TTN: variants seen among roughly 807,000 people sequenced by gnomAD.
TTN encodes titin, also known as connectin.
In TTN, 1,525 loss-of-function variants were observed where a neutral mutation model predicts 3,223.0. The observed-to-expected ratio is 0.47, with a 90% confidence interval of 0.45 to 0.49. The LOEUF (loss-of-function observed/expected upper bound fraction) is 0.49. Among genes scored for constraint, TTN ranks in the 20% least tolerant of loss-of-function variants. The pLI, the probability that TTN is intolerant of heterozygous loss-of-function variation, is 0.00. For missense variants in TTN, 40,786 were observed against 43,424.0 expected (o/e 0.94, Z 5.40); for synonymous variants, 14,094 against 15,161.0 (o/e 0.93, Z 5.17).
At position 178,684,677 on chromosome 2, in the gene TTN, A is replaced by T; in HGVS notation, c.32627T>A (p.Leu10876His). The change falls in exon 131 of 363, where the codon CTC (leucine) becomes CAC (histidine). Residue 10876 changes from leucine to histidine, a missense_variant. Physicochemically the swap from Leu to His is moderately conservative, Grantham distance 99 (BLOSUM62 -3). Coordinates refer to ENST00000589042, the MANE Select transcript of TTN (RefSeq NM_001267550.2). ...GGAGGTTTGTTTACCTTTGGCTGGG[A>T]GAGGTTCTTCCATCTTAATGACTTT... ...PPKVIKMEEP[L>H]PAKVTERHMQ... 6.2e-7 allele frequency: 1 copy of T among 1,608,766 alleles called. No homozygotes were observed.
chr2:178,578,859 T>C lies in TTN; in HGVS notation c.68171A>G (p.Tyr22724Cys), dbSNP rs1387896930. The C allele has an allele frequency of 6.2e-7, 1 of 1,613,208 alleles. No homozygotes were observed. The stretch of plus-strand genomic sequence containing the variant: ...CGATTTCAGGCCTTCCCCTACACCA[T>C]ATTTATTTTCGGCACTGACCCTGAA... ...YTFRVSAENK[Y>C]GVGEGLKSEP... Residue 22724 changes from tyrosine (Y) to cysteine (C), a missense_variant, in exon 320 of 363, where the codon TAT becomes TGT. Tyr to Cys is a radical substitution (Grantham distance 194). Coordinates refer to ENST00000589042, the MANE Select transcript of TTN (RefSeq NM_001267550.2).
Position 178,575,355 on chromosome 2 carries a change from T to C in TTN, c.70777A>G (p.Arg23593Gly), listed in dbSNP as rs930124570. The C allele has an allele frequency of 1.9e-6, 3 of 1,613,478 alleles. No homozygotes were observed. In the African/African-American group the frequency reaches 4.0e-5, roughly 22 times the overall value. The change falls in exon 326 of 363, where the codon AGG becomes GGG. Residue 23593 changes from arginine (R) to glycine (G), a missense_variant. Coordinates refer to ENST00000589042, the MANE Select transcript of TTN (RefSeq NM_001267550.2). The surrounding 1 kb of genome is among the most constrained non-coding windows in gnomAD (Gnocchi z 4.0). ...TTVKGLECVV[R>G]NLTEGEEYTF... ...TATTCCTCTCCTTCAGTTAGATTCC[T>C]CACAACACATTCTAACCCTTTCACG...
Position 178,609,670 on chromosome 2 carries a change from G to T in TTN, c.51739+14C>A, listed in dbSNP as rs727505018. 1.9e-5 allele frequency: 30 copies of T among 1,561,584 alleles called. No individual in the cohort carries two copies. Among genetic ancestry groups the T allele is most frequent in the East Asian group, 1.1e-4 (5 of 44,232 alleles). ...CAAAATGGGAAAGTGGCAACTCCAT[G>T]AAACAAAACTTACCAATGGGATCTA... On this transcript the variant is annotated intron_variant, in intron 272 of 362. Coordinates refer to ENST00000589042, the MANE Select transcript of TTN (RefSeq NM_001267550.2).
chr2:178,615,529 T>C (rs1370852861), intron 258 of TTN, 45 bp from the exon 259 acceptor site: 2 of 1,609,096 alleles, frequency 1.2e-6, no homozygotes, highest in Non-Finnish European at 1.7e-6. Context: ...AGGCCACCTA[T>C]GCAGTTCTCT....
rs377353294 is a variant in TTN at position 178,539,277 on chromosome 2, A to G, written c.98684-26T>C. 3.1e-5 allele frequency: 50 copies of G among 1,607,266 alleles called. No homozygotes were observed. The African/African-American group carries it at 5.5e-4, about 18-fold the overall frequency. The stretch of plus-strand genomic sequence containing the variant: ...CTGTAAATATAAGTGGAAAGCACAC[A>G]TGTATTAGAATACAGTCCCAAGTAT... On this transcript the variant is annotated intron_variant, in intron 352 of 362. Transcript: ENST00000589042.
chr2:178,646,080 G>A, intron 216 of TTN, 50 bp from the exon 217 acceptor site: 1 of 452,926 alleles, frequency 2.2e-6, no homozygotes, highest in Non-Finnish European at 3.2e-6. Flanking sequence ...TTAGCATGTG[G>A]ATATGTAGTA....
At position 178,732,646 on chromosome 2, in the gene TTN, G is replaced by C. The variant is rs911246876; in HGVS notation, c.16415C>G (p.Thr5472Ser). Residue 5472 changes from threonine (T) to serine (S), a missense_variant, in exon 56 of 363, where the codon ACT (threonine) becomes AGT (serine). By Grantham distance (58) the Thr-to-Ser change is moderately conservative. Transcript: ENST00000589042. ...LPGSAVCLKS[T>S]FQGSTPLTIR... ...TGTGAGAGGAGTAGATCCTTGGAAAGTGCTCTTCAGGCAGACTGCTGAGCC... is the reference window on the plus strand; with the variant it reads ...TGTGAGAGGAGTAGATCCTTGGAAACTGCTCTTCAGGCAGACTGCTGAGCC... 6.2e-7 allele frequency: 1 copy of C among 1,612,872 alleles called. No individual in the cohort carries two copies. The highest frequency in any genetic ancestry group is 2.2e-5 in the East Asian group (1 of 44,760).
chr2:178,554,347 A>G (rs1362179851), intron 332 of TTN, 106 bp downstream of exon 332: 2 of 1,429,240 alleles, frequency 1.4e-6, no homozygotes, highest in Non-Finnish European at 1.9e-6. Context: ...AAAGGATGGT[A>G]ATGAGACAGG....
rs879136328 is a variant in TTN at position 178,741,614 on chromosome 2, A to G, written c.11619T>C (p.Asp3873=). ...SADYKFVFDG[D]DHSLIILFTK... is the part of the protein sequence containing the mutation. ...TGAACAGAATGATCAGGCTATGATC[A>G]TCACCGTCAAAAACAAATTTGTAGT... Residue 3873 remains aspartate, a synonymous_variant, in exon 48 of 363, where the codon GAT becomes GAC. Coordinates refer to ENST00000589042, the MANE Select transcript of TTN (RefSeq NM_001267550.2). The G allele has an allele frequency of 2.5e-6, 4 of 1,613,884 alleles. No homozygotes were observed. Among genetic ancestry groups the G allele is most frequent in the Non-Finnish European group, 3.4e-6 (4 of 1,179,798 alleles).
Position 178,663,778 on chromosome 2 carries a change from C to G in TTN, c.36448+41G>C, listed in dbSNP as rs1286764799. On this transcript the variant is annotated intron_variant, in intron 170 of 362. Coordinates refer to ENST00000589042, the MANE Select transcript of TTN (RefSeq NM_001267550.2). ...CCACTGGAAAAAATATCTTCAAGAG[C>G]AAAAGAATGAGATCTGAAGCCTAAG... 3 of 1,610,620 alleles carry G rather than the reference C, an allele frequency of 1.9e-6. No homozygotes were observed. The highest frequency in any genetic ancestry group is 1.7e-5 in the Admixed American group (1 of 59,496).
chr2:178,582,518 G>A lies in TTN; in HGVS notation c.65938C>T (p.Pro21980Ser). The change falls in exon 314 of 363, where the codon CCT (proline) becomes TCT (serine). Residue 21980 changes from proline to serine, a missense_variant. Coordinates refer to ENST00000589042, the MANE Select transcript of TTN (RefSeq NM_001267550.2). ...SDRAMLSWEP[P>S]LEDGGSEITN... ...ATTTCTGAGCCTCCATCTTCAAGAGGCGGTTCCCAAGAAAGCATAGCACGA... is the reference window on the plus strand; with the variant it reads ...ATTTCTGAGCCTCCATCTTCAAGAGACGGTTCCCAAGAAAGCATAGCACGA... 6.2e-7 allele frequency: 1 copy of A among 1,612,984 alleles called. No homozygotes were observed. Among genetic ancestry groups the A allele is most frequent in the Non-Finnish European group, 8.5e-7 (1 of 1,179,328 alleles).
In TTN at chr2:178,614,159, G is replaced by T; in HGVS notation, c.49238C>A (p.Thr16413Asn). The T allele has an allele frequency of 6.2e-7, 1 of 1,612,400 alleles. No individual in the cohort carries two copies. Among genetic ancestry groups the T allele is most frequent in the Middle Eastern group, 1.7e-4 (1 of 6,054 alleles). ...STVKDTNFKATKLIPNKEYIF... is the reference protein window; with the variant it reads ...STVKDTNFKANKLIPNKEYIF... The stretch of plus-strand genomic sequence containing the variant: ...GTACTCTTTATTGGGGATTAATTTG[G>T]TGGCCTTGAAGTTTGTATCCTTGAC... The change falls in exon 262 of 363, where the codon ACC (threonine) becomes AAC (asparagine). Residue 16413 changes from threonine to asparagine, a missense_variant. By Grantham distance (65) the Thr-to-Asn change is moderately conservative (BLOSUM62 0). Coordinates refer to ENST00000589042, the MANE Select transcript of TTN (RefSeq NM_001267550.2).
intron 133 of TTN, among the ~76,000 whole-genome samples, 188 bp from the exon 134 acceptor site, chr2:178,683,479 A>G (rs2154273392): frequency 6.6e-6 from 1 of 152,224 alleles, no homozygotes; most frequent in Admixed American, 6.5e-5. Context: ...GAAGTACGTC[A>G]AAGACATTGA....
chr2:178,774,921 C>T lies in TTN; in HGVS notation c.6790G>A (p.Gly2264Ser). The T allele has an allele frequency of 6.2e-7, 1 of 1,613,430 alleles. No homozygotes were observed. Among genetic ancestry groups the T allele is most frequent in the Non-Finnish European group, 8.5e-7 (1 of 1,179,794 alleles). Residue 2264 changes from glycine (G) to serine (S), a missense_variant and splice_region_variant, in exon 29 of 363, where the codon GGT becomes AGT. Physicochemically the swap from Gly to Ser is moderately conservative, Grantham distance 56. Coordinates refer to ENST00000589042, the MANE Select transcript of TTN (RefSeq NM_001267550.2). ...AATGAAATCCTTCGTTGTTGAATAC[C>T]TTCAACAATAAGTTTAGCAGTCGTT... ...VKTTAKLIVE[G>S]AVVEFVKELQ...
At chr2:178,739,105 G>C in intron 48 of TTN, 36 bp downstream of exon 48, 1 of 1,485,730 alleles carries the variant, frequency 6.7e-7, no homozygotes, top group Non-Finnish European at 8.9e-7. Flanking sequence ...TCCAGTGAAT[G>C]TTAGCATTTG....
chr2:178,675,722 T>C lies in TTN; in HGVS notation c.34486A>G (p.Lys11496Glu), dbSNP rs1034048129. The change falls in exon 149 of 363, where the codon AAG (lysine) becomes GAG (glutamate). Residue 11496 changes from lysine to glutamate, a missense_variant. Lys to Glu is a moderately conservative substitution (Grantham distance 56). Transcript: ENST00000589042. The part of the protein sequence containing the change: ...SVVPKKPEPE[K>E]KVPPPGLKKA... The stretch of plus-strand genomic sequence containing the variant: ...TTAAGACCAGGAGGAGGGACCTTCT[T>C]TTCTGGCTCAGGTTTCTTAGGTACC... 6 of 1,431,800 alleles carry C rather than the reference T, an allele frequency of 4.2e-6. No individual in the cohort carries two copies. In the African/African-American group the frequency reaches 7.2e-5, roughly 17 times the overall value. 88.7% of individuals were successfully genotyped at this position (1,431,800 alleles called of 1,614,324 possible).
Position 178,573,664 on chromosome 2 carries a change from A to G in TTN, c.72468T>C (p.Asp24156=). ...TTTCACGTTTCTGTACTATGTAATG[A>G]TCAATTTTGGCACCTCCATCATCCA... ...PPLDDGGAKI[D]HYIVQKRETS... is the part of the protein sequence containing the mutation. The change falls in exon 326 of 363, where the codon GAT becomes GAC. Residue 24156 remains aspartate (D), a synonymous_variant. Coordinates refer to ENST00000589042, the MANE Select transcript of TTN (RefSeq NM_001267550.2). 6.6e-7 allele frequency: 1 copy of G among 1,515,538 alleles called. No homozygotes were observed. The highest frequency in any genetic ancestry group is 8.8e-7 in the Non-Finnish European group (1 of 1,133,760). 93.9% of individuals were successfully genotyped at this position (1,515,538 alleles called of 1,614,324 possible). A position where few individuals can be genotyped will look rare whatever the true frequency, so the allele number is the denominator to read the frequency against.
chr2:178,794,857 GGCA>G (rs2093684471), intron 7 of TTN, 62 bp downstream of exon 7: 19 of 1,574,318 alleles, frequency 1.2e-5, no homozygotes, highest in Non-Finnish European at 1.6e-5. Context: ...TGAGTTTCAT[GGCA>G]GAAATCCAGT....
At chr2:178,650,095 T>C in intron 210 of TTN, 69 bp downstream of exon 210, 1 of 1,431,392 alleles carries the variant, frequency 7.0e-7, no homozygotes, top group Non-Finnish European at 9.5e-7. Flanking sequence ...TATTTTGCCT[T>C]AAGGAAGATA....
Sources: gnomAD v4.1 joint callset for allele counts (sites outside exome capture counted in the v4.1 genomes callset) on GRCh38, gnomAD v4.1.1 for gene constraint, Gnocchi (gnomAD v3.1) non-coding constraint, MANE v1.5 for transcripts, NCBI Gene and HGNC (gene_info 2026-07-23, HGNC 2026-07-21) for gene names.